The following SLCO1B3 variants were observed in gnomAD, a reference collection of about 807,000 sequenced individuals.
The protein encoded by SLCO1B3 is liver-specific organic anion transporter 2.
SLCO1B3 carries 72 observed loss-of-function variants against 71.8 expected under a neutral mutation model. The ratio of observed to expected loss-of-function variants is 1.00; its 90% CI spans 0.83 to 1.22. The LOEUF is 1.22. Ranked by LOEUF, SLCO1B3 falls within the 50% of genes most tolerant of loss-of-function variation. SLCO1B3 has a pLI of 0.00. For missense variants in SLCO1B3, 911 were observed against 819.7 expected, an observed-to-expected ratio of 1.11 and a Z score of -1.36; for synonymous variants, 298 against 278.4, an observed-to-expected ratio of 1.07 and a Z score of -0.70.
intron 3 of SLCO1B3, among the ~76,000 whole-genome samples, chr12:20,845,794 T>C (rs1199216188): frequency 6.6e-6 from 1 of 152,206 alleles, no homozygotes; most frequent in East Asian, 1.9e-4. Context: ...CTAGATCATC[T>C]GTCTAGTGCG....
chr12:20,850,506 T>TC (rs1456427522), intron 3 of SLCO1B3, among the ~76,000 whole-genome samples: 2 of 151,898 alleles, frequency 1.3e-5, no homozygotes, highest in Non-Finnish European at 2.9e-5. Context: ...ATGGTCTCGA[T>TC]CTCCTGACCT....
intron 8 of SLCO1B3, among the ~76,000 whole-genome samples, chr12:20,871,274 CTT>C (rs1865470729): frequency 6.6e-6 from 1 of 152,110 alleles, no homozygotes; most frequent in South Asian, 2.1e-4. Context: ...ATTTCAGTCT[CTT>C]TGTTAAATTA....
chr12:20,819,821 C>T (rs1864259385), intron 3 of SLCO1B3, among the ~76,000 whole-genome samples: 3 of 151,848 alleles, frequency 2.0e-5, no homozygotes, highest in Admixed American at 1.3e-4. Context: ...GATCGGTCAC[C>T]AAGGAGGGAG....
intron 15 of SLCO1B3, among the ~76,000 whole-genome samples, chr12:20,902,909 A>G (rs537881818): frequency 2.6e-5 from 4 of 152,030 alleles, no homozygotes; most frequent in African/African-American, 9.6e-5. Context: ...TCTCTAGTAA[A>G]AATACAAAAA....
chr12:20,847,402 T>A (rs1412256939), intron 3 of SLCO1B3, among the ~76,000 whole-genome samples: 1 of 152,028 alleles, frequency 6.6e-6, no homozygotes, highest in African/African-American at 2.4e-5. Context: ...TTAGATAATG[T>A]GAGAAAGCCA....
Position 20,898,437 on chromosome 12 carries a change from A to G in SLCO1B3, c.1684A>G (p.Ile562Val). The part of the protein sequence containing the change: ...GTTFILLTVK[I>V]VQPELKALAM... ...TTCTTTGCCTTTATCATATTTCAGGATTGTTCAACCTGAATTGAAAGCACT... is the reference window on the plus strand; with the variant it reads ...TTCTTTGCCTTTATCATATTTCAGGGTTGTTCAACCTGAATTGAAAGCACT... Residue 562 changes from isoleucine (I) to valine (V), a missense_variant and splice_region_variant, in exon 14 of 16, where the codon ATT becomes GTT. Physicochemically the swap from Ile to Val is conservative, Grantham distance 29. Coordinates refer to ENST00000381545, the MANE Select transcript of SLCO1B3 (RefSeq NM_019844.4). 6.3e-7 allele frequency: 1 copy of G among 1,589,290 alleles called. No individual in the cohort carries two copies. The highest frequency in any genetic ancestry group is 8.6e-7 in the Non-Finnish European group (1 of 1,160,360).
chr12:20,879,265 G>A (rs1371264552), intron 10 of SLCO1B3, among the ~76,000 whole-genome samples, 171 bp from the exon 11 acceptor site: 1 of 141,398 alleles, frequency 7.1e-6, no homozygotes, highest in Non-Finnish European at 1.5e-5. Context: ...CTGGGGTGCA[G>A]TGGCGCGATC....
At chr12:20,880,025 T>A (rs983492303) in intron 11 of SLCO1B3, among the ~76,000 whole-genome samples, 3 of 151,968 alleles carry the variant, frequency 2.0e-5, no homozygotes, top group African/African-American at 7.2e-5. Flanking sequence ...TCATAATGTA[T>A]TTTCTAAATT....
intron 1 of SLCO1B3, among the ~76,000 whole-genome samples, chr12:20,812,288 GAACATAA>G (rs1238370910): frequency 1.3e-5 from 2 of 152,126 alleles, no homozygotes; most frequent in Non-Finnish European, 2.9e-5. Flanking sequence ...TATTTTATCT[GAACATAA>G]AAGAGAGAGG....
rs779304579 is a variant in SLCO1B3, at chr12:20,875,402, C to G, written c.895C>G (p.Leu299Val). 1.2e-6 allele frequency: 2 copies of G among 1,608,516 alleles called. No homozygotes were observed. The highest frequency in any genetic ancestry group is 8.5e-7 in the Non-Finnish European group (1 of 1,178,334). The change falls in exon 9 of 16, where the codon CTG becomes GTG. Residue 299 changes from leucine (L) to valine (V), a missense_variant. Transcript: ENST00000381545. ...ERKISLSLHVLKTNDDRNQTA... is the reference protein window; with the variant it reads ...ERKISLSLHVVKTNDDRNQTA... ...AAAAATTTCACTATCATTGCATGTGCTGAAAACAAATGATGATAGAAATCA... is the reference window on the plus strand; with the variant it reads ...AAAAATTTCACTATCATTGCATGTGGTGAAAACAAATGATGATAGAAATCA...
chr12:20,885,314 A>G (rs1202958452), intron 13 of SLCO1B3, among the ~76,000 whole-genome samples: 2 of 152,172 alleles, frequency 1.3e-5, no homozygotes, highest in East Asian at 3.9e-4. Context: ...GCAGGAGTGT[A>G]GACATTTACT....
chr12:20,886,316 G>A (rs1298440749), intron 13 of SLCO1B3, among the ~76,000 whole-genome samples: 2 of 152,044 alleles, frequency 1.3e-5, no homozygotes, highest in Non-Finnish European at 2.9e-5. Flanking sequence ...AATCATTAAA[G>A]CCATAGACAC....
At chr12:20,845,308 ACAATGAGT>A (rs1864893808) in intron 3 of SLCO1B3, 2 of 20,608 alleles carry the variant, frequency 9.7e-5, no homozygotes, top group Non-Finnish European at 6.7e-4. Context: ...ACCCTGATCA[ACAATGAGT>A]AGAAACATCA....
intron 1 of SLCO1B3, among the ~76,000 whole-genome samples, chr12:20,811,605 G>C (rs947507621): frequency 1.3e-5 from 2 of 152,140 alleles, no homozygotes; most frequent in Admixed American, 6.6e-5. Flanking sequence ...AATAAGCAGA[G>C]GCTGGTAAGA....
At position 20,916,179 on chromosome 12, in the gene SLCO1B3, G is replaced by C; in HGVS notation, c.2041G>C (p.Val681Leu). 6.2e-7 allele frequency: 1 copy of C among 1,611,842 alleles called. No individual in the cohort carries two copies. Among genetic ancestry groups the C allele is most frequent in the Non-Finnish European group, 8.5e-7 (1 of 1,178,104 alleles). ...LEFLNNGEHFVPSAGTDSKTC... is the reference protein window; with the variant it reads ...LEFLNNGEHFLPSAGTDSKTC... ...ATTCTTAAATAATGGTGAACATTTT[G>C]TACCTTCTGCTGGAACAGATAGTAA... is the stretch of plus-strand genomic sequence containing the variant. The change falls in exon 16 of 16, where the codon GTA becomes CTA. Residue 681 changes from valine (V) to leucine (L), a missense_variant. Physicochemically the swap from Val to Leu is conservative, Grantham distance 32. Coordinates refer to ENST00000381545, the MANE Select transcript of SLCO1B3 (RefSeq NM_019844.4).
chr12:20,859,494 C>CCCCCG (rs766957082), intron 5 of SLCO1B3, among the ~76,000 whole-genome samples: 9 of 145,372 alleles, frequency 6.2e-5, no homozygotes, highest in Middle Eastern at 3.5e-3. Flanking sequence ...TTTTTTTCCC[C>CCCCCG]CTCTACATTT....
intron 3 of SLCO1B3, among the ~76,000 whole-genome samples, chr12:20,853,640 G>A (rs551791764): frequency 3.3e-5 from 5 of 151,674 alleles, no homozygotes; most frequent in African/African-American, 1.2e-4. Flanking sequence ...TTAGCTAAAG[G>A]TCTCTCAGTT....
chr12:20,865,997 C>T lies in SLCO1B3; in HGVS notation c.727+3143C>T, dbSNP rs533180508. Among the ~76,000 whole-genome samples the T allele has an allele frequency of 2.6e-5, 4 of 152,130 alleles. No individual in the cohort carries two copies. In the South Asian group the frequency reaches 8.3e-4, roughly 32 times the overall value. Reference sequence around the variant, plus strand: ...AAATGCCATGTGTCATTCATCATCTCCATATGAGTAGTTTTCATCACTCTC... The same window carrying T: ...AAATGCCATGTGTCATTCATCATCTTCATATGAGTAGTTTTCATCACTCTC... On this transcript the variant is annotated intron_variant, in intron 8 of 15. Coordinates refer to ENST00000381545, the MANE Select transcript of SLCO1B3 (RefSeq NM_019844.4).
At chr12:20,838,013 G>A (rs1041989611) in intron 3 of SLCO1B3, among the ~76,000 whole-genome samples, 5 of 151,386 alleles carry the variant, frequency 3.3e-5, no homozygotes, top group African/African-American at 1.2e-4. Flanking sequence ...TCTGTTGTTG[G>A]GTGCATATAT....
Sources: allele counts gnomAD v4.1 joint callset (sites outside exome capture counted in the v4.1 genomes callset), GRCh38; gene constraint gnomAD v4.1.1; transcripts MANE v1.5; gene names NCBI Gene and HGNC (gene_info 2026-07-23, HGNC 2026-07-21).